The following CWC27 variants were observed in gnomAD, a reference collection of about 807,000 sequenced individuals.
CWC27 encodes spliceosome-associated protein CWC27 homolog.
In CWC27, 47 loss-of-function variants were observed where a neutral mutation model predicts 63.6. The ratio of observed to expected loss-of-function variants is 0.74; its 90% CI spans 0.58 to 0.94. The LOEUF is 0.94. Among genes scored for constraint, CWC27 ranks in the 40% least tolerant of loss-of-function variants. The probability of loss-of-function intolerance (pLI) is 0.00; values close to 1 mark genes in which losing one functional copy is unlikely to be tolerated. For synonymous variants in CWC27, 175 were observed against 179.8 expected, an observed-to-expected ratio of 0.97 and a Z score of 0.22; for missense variants, 495 against 554.3, an observed-to-expected ratio of 0.89 and a Z score of 1.07.
chr5:64,815,691 T>TA (rs1313837474), intron 10 of CWC27, among the ~76,000 whole-genome samples: 6 of 152,130 alleles, frequency 3.9e-5, no homozygotes, highest in Admixed American at 6.6e-5. Flanking sequence ...CCTGAATTTT[T>TA]AAAAAAACTA....
chr5:64,782,896 A>T (rs550372809), intron 3 of CWC27, among the ~76,000 whole-genome samples: 20 of 152,220 alleles, frequency 1.3e-4, no homozygotes, highest in African/African-American at 4.3e-4. Flanking sequence ...CCATGGTAAG[A>T]CTTCTCATGA....
At chr5:64,843,140 T>C (rs1745887969) in intron 10 of CWC27, among the ~76,000 whole-genome samples, 1 of 152,236 alleles carries the variant, frequency 6.6e-6, no homozygotes, top group African/African-American at 2.4e-5. Context: ...GGTTGTCAGT[T>C]GTATATCTCA....
chr5:64,974,385 A>G (rs1749186256), intron 12 of CWC27, among the ~76,000 whole-genome samples: 1 of 152,208 alleles, frequency 6.6e-6, no homozygotes, highest in South Asian at 2.1e-4. Context: ...TCTCACAATC[A>G]TGGCAGAGGG....
chr5:64,846,120 G>A (rs1745970580), intron 10 of CWC27, among the ~76,000 whole-genome samples: 1 of 152,110 alleles, frequency 6.6e-6, no homozygotes, highest in South Asian at 2.1e-4. Flanking sequence ...TACCAATCAA[G>A]AATACTTAAC....
At chr5:64,780,490 A>G (rs1044975709) in intron 2 of CWC27, among the ~76,000 whole-genome samples, 4 of 148,862 alleles carry the variant, frequency 2.7e-5, no homozygotes, top group Non-Finnish European at 4.5e-5. Flanking sequence ...TAAATATATG[A>G]TGTTTTGTAA....
chr5:64,907,070 C>G (rs1041648700), intron 11 of CWC27, among the ~76,000 whole-genome samples: 3 of 152,056 alleles, frequency 2.0e-5, no homozygotes, highest in Admixed American at 1.3e-4. Context: ...GTTACTGTAG[C>G]CTTGTAGTAT....
At chr5:64,782,101 G>T in intron 3 of CWC27, 68 bp downstream of exon 3, 1 of 809,252 alleles carries the variant, frequency 1.2e-6, no homozygotes. Context: ...AGTTTGGATT[G>T]CTTAATCGAA....
intron 11 of CWC27, among the ~76,000 whole-genome samples, chr5:64,966,443 G>A (rs1336797676): frequency 6.6e-6 from 1 of 152,116 alleles, no homozygotes; most frequent in Non-Finnish European, 1.5e-5. Flanking sequence ...ATAATAGTTT[G>A]TTAGGTGTTT....
chr5:64,843,299 T>G (rs73101360), intron 10 of CWC27, among the ~76,000 whole-genome samples: 4,326 of 152,308 alleles, frequency 0.028, 147 homozygotes, highest in African/African-American at 0.087. Flanking sequence ...ATCAGGAAAC[T>G]CAAGAGAGCC....
At chr5:64,929,004 A>T (rs1204265056) in intron 11 of CWC27, among the ~76,000 whole-genome samples, 3 of 152,086 alleles carry the variant, frequency 2.0e-5, no homozygotes, top group African/African-American at 7.2e-5. Context: ...CTAATTATAA[A>T]ACTATTTTAT....
chr5:64,937,087 CTCTA>C (rs1380612710), intron 11 of CWC27, among the ~76,000 whole-genome samples: 3 of 151,972 alleles, frequency 2.0e-5, no homozygotes, highest in Admixed American at 6.6e-5. Flanking sequence ...TTTTTTGTGT[CTCTA>C]TCTCTTTCAG....
intron 12 of CWC27, chr5:64,972,617 A>G: frequency 2.3e-6 from 1 of 442,796 alleles, no homozygotes; most frequent in Non-Finnish European, 4.5e-6. Flanking sequence ...AAAAAGCCCA[A>G]ACCTGTCTGG....
intron 10 of CWC27, among the ~76,000 whole-genome samples, chr5:64,878,914 CA>C (rs1746867344): frequency 6.6e-6 from 1 of 151,740 alleles, no homozygotes; most frequent in Admixed American, 6.6e-5. Context: ...GTGCATAATT[CA>C]ATAGGATTTA....
intron 11 of CWC27, among the ~76,000 whole-genome samples, chr5:64,914,859 AAC>A (rs1323879696): frequency 1.3e-5 from 2 of 152,172 alleles, no homozygotes; most frequent in Non-Finnish European, 2.9e-5. Context: ...ATCTATCATC[AAC>A]AGAGTGGTAA....
chr5:64,855,741 C>T (rs1291467643), intron 10 of CWC27, among the ~76,000 whole-genome samples: 1 of 152,036 alleles, frequency 6.6e-6, no homozygotes, highest in East Asian at 1.9e-4. Flanking sequence ...CAGAAAAACT[C>T]TTCAGGTTCT....
chr5:64,994,137 A>G (rs1749587825), intron 13 of CWC27, among the ~76,000 whole-genome samples: 1 of 152,186 alleles, frequency 6.6e-6, no homozygotes, highest in Non-Finnish European at 1.5e-5. Context: ...ATTTTAAAGA[A>G]AGAAAAAATC....
At chr5:64,995,830 T>A (rs1353073354) in intron 13 of CWC27, among the ~76,000 whole-genome samples, 1 of 152,234 alleles carries the variant, frequency 6.6e-6, no homozygotes, top group African/African-American at 2.4e-5. Flanking sequence ...GTTTAAGTGG[T>A]AGATGATGTG....
chr5:64,895,824 C>T (rs531648654), intron 11 of CWC27, among the ~76,000 whole-genome samples: 1 of 152,094 alleles, frequency 6.6e-6, no homozygotes, highest in Non-Finnish European at 1.5e-5. Context: ...CAATTTGCCA[C>T]AGCTAAAATG....
In CWC27 at chr5:64,786,609, T is replaced by G; in HGVS notation, c.581T>G (p.Leu194Trp). Residue 194 changes from leucine to tryptophan, a missense_variant, in exon 6 of 14, where the codon TTG becomes TGG. Leu to Trp is a moderately conservative substitution (Grantham distance 61). Coordinates refer to ENST00000381070, the MANE Select transcript of CWC27 (RefSeq NM_005869.4). ...AAACCAGAGGAGGAAGTAAAGAAAT[T>G]GAAACCCAAAGGCACAAAGTAATCA... is the stretch of plus-strand genomic sequence containing the variant. ...KEKPEEEVKK[L>W]KPKGTKNFSL... is the part of the protein sequence containing the mutation. The G allele has an allele frequency of 1.3e-6, 2 of 1,580,432 alleles. No homozygotes were observed. Among genetic ancestry groups the G allele is most frequent in the Non-Finnish European group, 1.7e-6 (2 of 1,164,720 alleles).
Sources: gnomAD v4.1 joint callset for allele counts (sites outside exome capture counted in the v4.1 genomes callset) on GRCh38, gnomAD v4.1.1 for gene constraint, MANE v1.5 for transcripts, NCBI Gene and HGNC (gene_info 2026-07-23, HGNC 2026-07-21) for gene names.